Variants in MED12L observed in about 807,000 individuals in gnomAD.
The protein encoded by MED12L is mediator of RNA polymerase II transcription subunit 12-like protein.
A neutral mutation model predicts 281.3 loss-of-function variants in MED12L; 60 were observed. The ratio of observed to expected loss-of-function variants is 0.21; its 90% confidence interval spans 0.17 to 0.26. The LOEUF is 0.26. Among genes scored for constraint, MED12L ranks in the 10% least tolerant of loss-of-function variants. The pLI is 1.00. For synonymous variants in MED12L, 974 were observed against 987.2 expected (o/e 0.99, Z 0.25); for missense variants, 2,146 against 2,680.9 (o/e 0.80, Z 4.41).
At chr3:151,183,655 G>A (rs1223377865) in intron 11 of MED12L, among the ~76,000 whole-genome samples, 5 of 152,352 alleles carry the variant, frequency 3.3e-5, no homozygotes, top group East Asian at 3.9e-4. Context: ...GTTCTCCCAC[G>A]TAGGTGTTGA....
chr3:151,138,197 A>G (rs1716430386), intron 5 of MED12L, among the ~76,000 whole-genome samples: 1 of 151,870 alleles, frequency 6.6e-6, no homozygotes, highest in African/African-American at 2.4e-5. Flanking sequence ...TAACTTAACA[A>G]TATCCTAGTG....
intron 43 of MED12L, chr3:151,425,770 C>T (rs1351424187): frequency 2.2e-6 from 1 of 456,434 alleles, no homozygotes; most frequent in African/African-American, 2.0e-5. Flanking sequence ...TCATGTTAAA[C>T]CATATGTTTG....
At chr3:151,132,477 AATAG>A (rs1715533904) in intron 5 of MED12L, among the ~76,000 whole-genome samples, 1 of 152,140 alleles carries the variant, frequency 6.6e-6, no homozygotes, top group Non-Finnish European at 1.5e-5. Flanking sequence ...GTTTCTCATT[AATAG>A]ATTTAAGTTA....
In MED12L at chr3:151,237,350, CTT is replaced by C. The variant is rs57239604; in HGVS notation, c.2250+43699_2250+43700del. Among the ~76,000 whole-genome samples, 445 of 94,638 alleles carry C rather than the reference CTT, an allele frequency of 4.7e-3. 6 individuals carry two copies. The highest frequency in any genetic ancestry group is 0.017 in the African/African-American group (414 of 24,200). The allele number at this position is 94,638 out of a possible 152,430, so 62.1% of individuals were successfully genotyped here. A position where few individuals can be genotyped will look rare whatever the true frequency, so the allele number is the denominator to read the frequency against. Reference sequence around the variant, plus strand: ...ACCACGCCTGGCTTTTTTTTTTTTTCTTTTTTTTTTTTTTTTGAGACAGAGTC... The same window carrying C: ...ACCACGCCTGGCTTTTTTTTTTTTTCTTTTTTTTTTTTTTGAGACAGAGTC... On this transcript the variant is annotated intron_variant, in intron 16 of 44. Transcript: ENST00000687756.
chr3:151,316,378 C>A (rs1748237137), intron 16 of MED12L: 1 of 152,108 alleles, frequency 6.6e-6, no homozygotes, highest in South Asian at 2.1e-4. Flanking sequence ...TTTGAAGGCA[C>A]AATATGTAGT....
chr3:151,394,594 AC>A (rs1714714791), intron 38 of MED12L, 61 bp from the exon 39 acceptor site: 1 of 1,594,076 alleles, frequency 6.3e-7, no homozygotes, highest in South Asian at 1.1e-5. Flanking sequence ...GTGTTTTGAT[AC>A]ATAAAAAGAC....
intron 23 of MED12L, 103 bp downstream of exon 23, chr3:151,366,094 T>C: frequency 9.9e-7 from 1 of 1,006,006 alleles, no homozygotes; most frequent in Non-Finnish European, 1.4e-6. Context: ...TCAACTGAAA[T>C]GTTATAAAAT....
chr3:151,377,552 A>G (rs1284642258), intron 30 of MED12L, among the ~76,000 whole-genome samples: 1 of 152,216 alleles, frequency 6.6e-6, no homozygotes, highest in Non-Finnish European at 1.5e-5. Context: ...ACCAGTAGGC[A>G]TATAAAGTCT....
At chr3:151,386,035 G>A (rs1713291975) in intron 36 of MED12L, among the ~76,000 whole-genome samples, 1 of 152,066 alleles carries the variant, frequency 6.6e-6, no homozygotes, top group South Asian at 2.1e-4. Context: ...TAGAATAGAG[G>A]GTCCCCAGGA....
chr3:151,347,582 G>A (rs556825062), intron 16 of MED12L, among the ~76,000 whole-genome samples: 9 of 152,260 alleles, frequency 5.9e-5, no homozygotes, highest in South Asian at 2.1e-4. Flanking sequence ...AAGTGAAATC[G>A]TGGCTATGAG....
chr3:151,128,372 G>T (rs1484227197), intron 5 of MED12L, among the ~76,000 whole-genome samples: 1 of 152,040 alleles, frequency 6.6e-6, no homozygotes, highest in Non-Finnish European at 1.5e-5. Flanking sequence ...AAACCTAAAT[G>T]GTATATTGTG....
intron 16 of MED12L, among the ~76,000 whole-genome samples, chr3:151,277,249 A>T (rs1289600063): frequency 6.6e-6 from 1 of 151,790 alleles, no homozygotes; most frequent in East Asian, 1.9e-4. Flanking sequence ...GAGTTCATTC[A>T]TATATACCAA....
intron 2 of MED12L, among the ~76,000 whole-genome samples, chr3:151,101,475 A>T (rs1263899098): frequency 6.6e-6 from 1 of 152,232 alleles, no homozygotes; most frequent in Non-Finnish European, 1.5e-5. Flanking sequence ...TGCTGTAAAC[A>T]TTCTGCTCTA....
chr3:151,288,909 A>C (rs1743901412), intron 16 of MED12L, among the ~76,000 whole-genome samples: 1 of 152,186 alleles, frequency 6.6e-6, no homozygotes, highest in Non-Finnish European at 1.5e-5. Flanking sequence ...ACTTCTTTCA[A>C]AGTCTGTTGG....
In MED12L at chr3:151,325,294, C is replaced by G. The variant is rs771336281; in HGVS notation, c.2251-24765C>G. On this transcript the variant is annotated intron_variant, in intron 16 of 44. Transcript: ENST00000687756. ...TGTGGGAACTTCACTCCCTTCAACC[C>G]CTCTCTTTTCTTGAAGGTTATTGGG... Among the ~76,000 whole-genome samples, 58 of 152,234 alleles carry G rather than the reference C, an allele frequency of 3.8e-4. 1 individual carries two copies. Among genetic ancestry groups the G allele is most frequent in the Non-Finnish European group, 7.2e-4 (49 of 68,008 alleles).
At chr3:151,293,995 C>A (rs1240287460) in intron 16 of MED12L, 1 of 595,022 alleles carries the variant, frequency 1.7e-6, no homozygotes, top group African/African-American at 1.9e-5. Flanking sequence ...CATACGCTAC[C>A]TCTTGTTTAT....
Position 151,291,748 on chromosome 3 carries a change from G to A in MED12L, c.2251-58311G>A, listed in dbSNP as rs1696672209. Among the ~76,000 whole-genome samples, 4 of 152,182 alleles carry A rather than the reference G, an allele frequency of 2.6e-5. No homozygotes were observed. In the South Asian group the frequency reaches 6.2e-4, roughly 24 times the overall value. On this transcript the variant is annotated intron_variant, in intron 16 of 44. Coordinates refer to ENST00000687756, the MANE Select transcript of MED12L (RefSeq NM_001393769.1). Reference sequence around the variant, plus strand: ...GTATTATTCCCATTGATGTTATTTAGCTCATGTAAATGATTCATTTTTCAT... The same window carrying A: ...GTATTATTCCCATTGATGTTATTTAACTCATGTAAATGATTCATTTTTCAT...
intron 40 of MED12L, among the ~76,000 whole-genome samples, chr3:151,410,098 CT>C (rs1311644482): frequency 1.3e-5 from 2 of 151,178 alleles, no homozygotes; most frequent in Non-Finnish European, 2.9e-5. Context: ...GTGTGAGTTA[CT>C]TACTCTGAGC....
intron 5 of MED12L, among the ~76,000 whole-genome samples, chr3:151,130,374 A>G (rs113283717): frequency 3.3e-5 from 5 of 152,292 alleles, no homozygotes; most frequent in African/African-American, 1.2e-4. Context: ...TTCAAAATAA[A>G]ACCAGAATCT....
Sources: gnomAD v4.1 joint callset for allele counts (sites outside exome capture counted in the v4.1 genomes callset) on GRCh38, gnomAD v4.1.1 for gene constraint, MANE v1.5 for transcripts, NCBI Gene and HGNC (gene_info 2026-07-23, HGNC 2026-07-21) for gene names.